The following TFAP2E variants were observed in gnomAD, a reference collection of about 807,000 sequenced individuals.
TFAP2E encodes the protein transcription factor AP-2 epsilon, also known as transcription factor AP-2-epsilon.
A neutral mutation model predicts 37.9 loss-of-function variants in TFAP2E; 30 were observed. The ratio of observed to expected loss-of-function variants is 0.79; its 90% CI spans 0.59 to 1.07. TFAP2E has a LOEUF of 1.07. TFAP2E is among the 50% of genes least tolerant of loss of function. The probability of loss-of-function intolerance (pLI) is 0.00; values close to 1 mark genes in which losing one functional copy is unlikely to be tolerated. For missense variants in TFAP2E, 567 were observed against 637.9 expected (o/e 0.89, Z 1.20); for synonymous variants, 318 against 295.8 (o/e 1.08, Z -0.77).
rs747698632 is a variant in TFAP2E at position 35,574,019 on chromosome 1, C to A, written c.120C>A (p.His40Gln). ...ACGGGCCGGCGCCCCCGCTCTGCCA[C>A]ACGCCGGCCGCCACAGCTGCCGCCG... ...AAYGPAPPLCHTPAATAAAEF... is the reference protein window; with the variant it reads ...AAYGPAPPLCQTPAATAAAEF... Residue 40 changes from histidine to glutamine, a missense_variant, in exon 2 of 7, where the codon CAC becomes CAA. This residue lies in a region of TFAP2E where 312 missense variants were observed against 317.4 expected (regional missense o/e 0.98). Coordinates refer to ENST00000373235, the MANE Select transcript of TFAP2E (RefSeq NM_178548.4). The A allele has an allele frequency of 2.7e-6, 4 of 1,487,054 alleles. No individual in the cohort carries two copies. The highest frequency in any genetic ancestry group is 2.7e-6 in the Non-Finnish European group (3 of 1,125,114). The allele number at this position is 1,487,054 out of a possible 1,614,324, so 92.1% of individuals were successfully genotyped here.
chr1:35,587,331 T>C (rs765631385), intron 3 of TFAP2E, among the ~76,000 whole-genome samples: 1 of 152,214 alleles, frequency 6.6e-6, no homozygotes, highest in Non-Finnish European at 1.5e-5. Flanking sequence ...CAAGAATGTC[T>C]AAGTGAATTT....
chr1:35,575,656 T>G (rs1649147194), intron 3 of TFAP2E, among the ~76,000 whole-genome samples: 1 of 152,142 alleles, frequency 6.6e-6, no homozygotes, highest in South Asian at 2.1e-4. Flanking sequence ...AGTGTGAGTG[T>G]GTCTGTTTCT....
At chr1:35,592,771 C>T (rs1045920472) in intron 6 of TFAP2E, among the ~76,000 whole-genome samples, 2 of 152,106 alleles carry the variant, frequency 1.3e-5, no homozygotes, top group African/African-American at 4.8e-5. Context: ...AGGTGAGGGC[C>T]TGCTTTCTGG....
In TFAP2E at chr1:35,590,095, T is replaced by A; in HGVS notation, c.904+47T>A. On this transcript the variant is annotated intron_variant, in intron 5 of 6. Transcript: ENST00000373235. This position sits in a 1 kb window ranked among gnomAD's most constrained non-coding sequence, Gnocchi z 6.2. ...GCATGGGAGTGGATGTGAGGGCAAGTGAGTTGTCTGGTGTGACTGTCTCTA... is the reference window on the plus strand; with the variant it reads ...GCATGGGAGTGGATGTGAGGGCAAGAGAGTTGTCTGGTGTGACTGTCTCTA... 6.4e-7 allele frequency: 1 copy of A among 1,570,392 alleles called. No individual in the cohort carries two copies. Among genetic ancestry groups the A allele is most frequent in the Non-Finnish European group, 8.8e-7 (1 of 1,141,202 alleles).
Position 35,574,127 on chromosome 1 carries a change from T to C in TFAP2E, c.228T>C (p.Phe76=), listed in dbSNP as rs1456320519. 1 of 1,454,214 alleles carries C rather than the reference T, an allele frequency of 6.9e-7. No homozygotes were observed. The highest frequency in any genetic ancestry group is 9.1e-7 in the Non-Finnish European group (1 of 1,104,902). The allele number at this position is 1,454,214 out of a possible 1,614,324, so 90.1% of individuals were successfully genotyped here. Residue 76 remains phenylalanine (F), a synonymous_variant, in exon 2 of 7, where the codon TTT becomes TTC. Coordinates refer to ENST00000373235, the MANE Select transcript of TFAP2E (RefSeq NM_178548.4). Reference sequence around the variant, plus strand: ...AGGCGCCCGACGCCGCCGCAGCCTTTCCCCACCTGGCAGGGGACCCATATG... The same window carrying C: ...AGGCGCCCGACGCCGCCGCAGCCTTCCCCCACCTGGCAGGGGACCCATATG... ...YGQAPDAAAA[F]PHLAGDPYGG...
Position 35,590,846 on chromosome 1 carries a change from G to T in TFAP2E, c.1046+71G>T. 7.5e-7 allele frequency: 1 copy of T among 1,330,462 alleles called. No homozygotes were observed. The allele number at this position is 1,330,462 out of a possible 1,614,324, so 82.4% of individuals were successfully genotyped here. On this transcript the variant is annotated intron_variant, in intron 6 of 6. Transcript: ENST00000373235. This position sits in a 1 kb window ranked among gnomAD's most constrained non-coding sequence, Gnocchi z 6.2. ...GACAGACATCATGTATGGGCACAATGGACACCACTGTGTACATGAGCAGTG... is the reference window on the plus strand; with the variant it reads ...GACAGACATCATGTATGGGCACAATTGACACCACTGTGTACATGAGCAGTG...
intron 6 of TFAP2E, among the ~76,000 whole-genome samples, chr1:35,591,232 T>C (rs1475363850): frequency 2.6e-5 from 4 of 152,124 alleles, no homozygotes; most frequent in Admixed American, 2.6e-4. Flanking sequence ...GGAGCACACA[T>C]AGACACTACA....
rs1357085815 is a variant in TFAP2E at position 35,592,968 on chromosome 1, T to A, written c.1047-1426T>A. Among the ~76,000 whole-genome samples the A allele has an allele frequency of 2.0e-5, 3 of 152,052 alleles. 1 individual carries two copies. The highest frequency in any genetic ancestry group is 4.4e-5 in the Non-Finnish European group (3 of 68,020). ...TGGGGTAGAATTTCAACATACGAATTTTGGGGAACATAAGCATTCACACCA... is the reference window on the plus strand; with the variant it reads ...TGGGGTAGAATTTCAACATACGAATATTGGGGAACATAAGCATTCACACCA... On this transcript the variant is annotated intron_variant, in intron 6 of 6. Transcript: ENST00000373235.
intron 2 of TFAP2E, chr1:35,574,747 C>T (rs1649119509): frequency 1.4e-6 from 1 of 696,596 alleles, no homozygotes; most frequent in Admixed American, 2.8e-5. Flanking sequence ...TTCAAAATTC[C>T]CTTTTTGCAC....
chr1:35,588,530 CT>C lies in TFAP2E; in HGVS notation c.764del (p.Leu255ProfsTer22), dbSNP rs757958757. 1 of 1,594,294 alleles carries C rather than the reference CT, an allele frequency of 6.3e-7. No individual in the cohort carries two copies. Among genetic ancestry groups the C allele is most frequent in the South Asian group, 1.1e-5 (1 of 89,506 alleles). On this transcript the variant is annotated frameshift_variant, in exon 4 of 7. Coordinates refer to ENST00000373235, the MANE Select transcript of TFAP2E (RefSeq NM_178548.4). LOFTEE classifies it high-confidence loss of function. The surrounding 1 kb of genome is among the most constrained non-coding windows in gnomAD (Gnocchi z 5.1). ...LSPPECLNAS[L>X]LGGVLRRAKS... ...GCCTCCCGAGTGCCTCAACGCCTCC[CT>C]CCTGGGGGGTGTCCTCCGCAGGTAG...
At chr1:35,581,432 G>C (rs764178586) in intron 3 of TFAP2E, among the ~76,000 whole-genome samples, 2 of 152,106 alleles carry the variant, frequency 1.3e-5, no homozygotes, top group Non-Finnish European at 2.9e-5. Context: ...GAGTGCAATT[G>C]CTGGATTATA....
intron 3 of TFAP2E, among the ~76,000 whole-genome samples, chr1:35,586,870 T>C (rs567433015): frequency 6.6e-6 from 1 of 152,338 alleles, no homozygotes; most frequent in East Asian, 1.9e-4. Context: ...ATTCTTGGCA[T>C]GAAAGTGCTC....
intron 3 of TFAP2E, among the ~76,000 whole-genome samples, chr1:35,585,450 C>T (rs936617801): frequency 1.3e-5 from 2 of 152,172 alleles, no homozygotes; most frequent in African/African-American, 4.8e-5. Context: ...TGTTGAGCCC[C>T]TCCTCCCTTG....
chr1:35,577,376 G>A lies in TFAP2E; in HGVS notation c.562+2376G>A. 1 of 456,824 alleles carries A rather than the reference G, an allele frequency of 2.2e-6. No individual in the cohort carries two copies. The highest frequency in any genetic ancestry group is 4.4e-6 in the Non-Finnish European group (1 of 227,000). The allele number at this position is 456,824 out of a possible 1,614,324, so 28.3% of individuals were successfully genotyped here. On this transcript the variant is annotated intron_variant, in intron 3 of 6. Transcript: ENST00000373235. The surrounding 1 kb of genome is among the most constrained non-coding windows in gnomAD (Gnocchi z 6.3). ...GGCGTTGCCGCCAGCCCAGTGGGGA[G>A]TGAATTAGCGCCCTCCTTCGTCCTC...
rs1649203833 is a variant in TFAP2E, at chr1:35,577,191, C to A, written c.562+2191C>A. On this transcript the variant is annotated intron_variant, in intron 3 of 6. Transcript: ENST00000373235. The surrounding 1 kb of genome is among the most constrained non-coding windows in gnomAD (Gnocchi z 6.3). ...GGCAGGAGCCGGGCACAGTTGGATC[C>A]GGAGGTCGTGACCCAGGGGAAAGCG... 5.6e-6 allele frequency: 2 copies of A among 357,252 alleles called. No individual in the cohort carries two copies. Among genetic ancestry groups the A allele is most frequent in the Non-Finnish European group, 1.1e-5 (2 of 179,446 alleles). The allele number at this position is 357,252 out of a possible 1,614,324, so 22.1% of individuals were successfully genotyped here. A position where few individuals can be genotyped will look rare whatever the true frequency, so the allele number is the denominator to read the frequency against.
intron 3 of TFAP2E, 47 bp downstream of exon 3, chr1:35,575,047 C>T (rs1005929331): frequency 1.2e-5 from 19 of 1,609,876 alleles, no homozygotes; most frequent in Non-Finnish European, 1.5e-5. Context: ...TGGTGCAGGC[C>T]CTTGGTGCAC....
At chr1:35,574,683 A>G in intron 2 of TFAP2E, 2 of 652,026 alleles carry the variant, frequency 3.1e-6, no homozygotes, top group South Asian at 4.1e-5. Context: ...TGTGGCATCC[A>G]TGGGGCAGCC....
intron 3 of TFAP2E, among the ~76,000 whole-genome samples, chr1:35,579,818 A>T (rs548933908): frequency 2.6e-5 from 4 of 152,336 alleles, no homozygotes; most frequent in Admixed American, 1.3e-4. Flanking sequence ...AAAGCAACTT[A>T]AAAAATGTGC....
intron 6 of TFAP2E, among the ~76,000 whole-genome samples, chr1:35,592,804 G>A (rs780348144): frequency 1.4e-4 from 22 of 152,166 alleles, no homozygotes; most frequent in Non-Finnish European, 2.4e-4. Context: ...ACCTTGCTGT[G>A]TGTCCTCACA....
Sources: allele counts gnomAD v4.1 joint callset (sites outside exome capture counted in the v4.1 genomes callset), GRCh38; gene constraint gnomAD v4.1.1; regional missense constraint gnomAD v4.1.1; non-coding constraint Gnocchi (gnomAD v3.1); transcripts MANE v1.5; gene names NCBI Gene and HGNC (gene_info 2026-07-23, HGNC 2026-07-21).